The following SEMA6D variants were observed in gnomAD, a reference collection of about 807,000 sequenced individuals.
SEMA6D encodes the protein semaphorin-6D.
SEMA6D carries 35 observed loss-of-function variants against 106.6 expected under a neutral mutation model. The ratio of observed to expected loss-of-function variants is 0.33; its 90% CI spans 0.25 to 0.44. The LOEUF is 0.44. SEMA6D is among the 20% of genes least tolerant of loss of function. The probability of loss-of-function intolerance (pLI) is 1.00; values close to 1 mark genes in which losing one functional copy is unlikely to be tolerated. For missense variants in SEMA6D, 1,185 were observed against 1,345.9 expected (o/e 0.88, Z 1.87); for synonymous variants, 499 against 487.7 (o/e 1.02, Z -0.31).
chr15:47,648,558 A>G (rs1462594912), intron 4 of SEMA6D, among the ~76,000 whole-genome samples: 3 of 152,182 alleles, frequency 2.0e-5, no homozygotes, highest in Admixed American at 1.3e-4. Flanking sequence ...AGCCCGCCCT[A>G]TTTGTAATTG....
intron 1 of SEMA6D, among the ~76,000 whole-genome samples, chr15:47,322,734 C>G (rs1002010295): frequency 4.6e-5 from 7 of 152,250 alleles, no homozygotes; most frequent in African/African-American, 1.7e-4. Flanking sequence ...TATTTCTCCT[C>G]AAAAATTTGA....
intron 1 of SEMA6D, among the ~76,000 whole-genome samples, chr15:47,726,117 C>G (rs1038189278): frequency 5.3e-5 from 8 of 152,242 alleles, no homozygotes; most frequent in Admixed American, 5.2e-4. Flanking sequence ...GCTGCCTCCC[C>G]CTGCGCAGAG....
At chr15:47,548,163 T>C (rs566618554) in intron 3 of SEMA6D, among the ~76,000 whole-genome samples, 1 of 152,230 alleles carries the variant, frequency 6.6e-6, no homozygotes, top group African/African-American at 2.4e-5. Context: ...CTTTCCTAAT[T>C]TGGTGGTTGG....
intron 1 of SEMA6D, among the ~76,000 whole-genome samples, chr15:47,224,245 T>G (rs998409643): frequency 6.6e-6 from 1 of 152,032 alleles, no homozygotes; most frequent in East Asian, 1.9e-4. Context: ...GTTTTCACTC[T>G]TTCCCTGACT....
At chr15:47,727,496 A>T (rs2079834169) in intron 1 of SEMA6D, among the ~76,000 whole-genome samples, 1 of 152,234 alleles carries the variant, frequency 6.6e-6, no homozygotes, top group African/African-American at 2.4e-5. Flanking sequence ...TATCCAAACA[A>T]GGTGCTAGAC....
upstream of SEMA6D, among the ~76,000 whole-genome samples, chr15:47,715,809 G>T (rs1018825098): frequency 6.6e-6 from 1 of 152,200 alleles, no homozygotes; most frequent in Non-Finnish European, 1.5e-5. Context: ...TGCTACTGCA[G>T]ATGCAGGACA....
chr15:47,552,843 A>AATATATATAAATATATATATATTTTTAT (rs2045770100), intron 3 of SEMA6D, among the ~76,000 whole-genome samples: 1 of 79,098 alleles, frequency 1.3e-5, no homozygotes, highest in African/African-American at 7.3e-5. Flanking sequence ...TATATATATA[A>AATATATATAAATATATATATATTTTTAT]ATATATATAA....
chr15:47,405,844 G>A (rs281316), intron 1 of SEMA6D, among the ~76,000 whole-genome samples: 90,136 of 151,894 alleles, frequency 0.59, 27,582 homozygotes, highest in Middle Eastern at 0.7. Flanking sequence ...ACAAATCCTC[G>A]TAATTTCAAG....
At chr15:47,463,556 G>A (rs2042575430) in intron 2 of SEMA6D, among the ~76,000 whole-genome samples, 1 of 152,152 alleles carries the variant, frequency 6.6e-6, no homozygotes, top group Non-Finnish European at 1.5e-5. Flanking sequence ...GTGCGTCATG[G>A]TAGGCCTAAG....
chr15:47,692,333 C>T (rs1362155373), intron 4 of SEMA6D, among the ~76,000 whole-genome samples: 1 of 152,094 alleles, frequency 6.6e-6, no homozygotes, highest in Non-Finnish European at 1.5e-5. Context: ...AGGTTTCCTT[C>T]CTCTACTGTG....
In SEMA6D at chr15:47,760,978, G is replaced by T; in HGVS notation, c.222G>T (p.Arg74Ser). 6.2e-7 allele frequency: 1 copy of T among 1,611,898 alleles called. No individual in the cohort carries two copies. The highest frequency in any genetic ancestry group is 8.5e-7 in the Non-Finnish European group (1 of 1,178,826). The part of the protein sequence containing the change: ...KIRDTLYIAG[R>S]DQVYTVNLNE... ...TGTTTTATTGCCTTATTTCCAACAG[G>T]GATCAAGTTTATACAGTAAACTTAA... Residue 74 changes from arginine (R) to serine (S), a missense_variant and splice_region_variant, in exon 4 of 19, where the codon AGG becomes AGT. Coordinates refer to ENST00000536845, the MANE Select transcript of SEMA6D (RefSeq NM_001358351.3).
chr15:47,588,836 A>G (rs1378560885), intron 3 of SEMA6D, among the ~76,000 whole-genome samples: 1 of 152,184 alleles, frequency 6.6e-6, no homozygotes, highest in African/African-American at 2.4e-5. Flanking sequence ...TCAGTCACAA[A>G]TGAAAAGCAG....
chr15:47,283,812 C>T (rs1435918708), intron 1 of SEMA6D, among the ~76,000 whole-genome samples: 1 of 152,196 alleles, frequency 6.6e-6, no homozygotes, highest in Non-Finnish European at 1.5e-5. Flanking sequence ...CCACAGCTGG[C>T]ACAGGCAAAC....
rs768973295 is a variant in SEMA6D at position 47,770,646 on chromosome 15, A to G, written c.2083A>G (p.Arg695Gly). 6.2e-7 allele frequency: 1 copy of G among 1,614,116 alleles called. No homozygotes were observed. Among genetic ancestry groups the G allele is most frequent in the Non-Finnish European group, 8.5e-7 (1 of 1,179,980 alleles). The change falls in exon 19 of 19, where the codon AGA becomes GGA. Residue 695 changes from arginine (R) to glycine (G), a missense_variant. By Grantham distance (125) the Arg-to-Gly change is moderately radical. This residue lies in a region of SEMA6D where 750 missense variants were observed against 783.5 expected (regional missense o/e 0.96). Coordinates refer to ENST00000536845, the MANE Select transcript of SEMA6D (RefSeq NM_001358351.3). Reference sequence around the variant, plus strand: ...TCGAGACATGTTTGTTCGGAAAAACAGAAAGATCCATAAAGATGCAGAGTC... The same window carrying G: ...TCGAGACATGTTTGTTCGGAAAAACGGAAAGATCCATAAAGATGCAGAGTC... The part of the protein sequence containing the change: ...CYRDMFVRKN[R>G]KIHKDAESAQ...
intron 4 of SEMA6D, among the ~76,000 whole-genome samples, chr15:47,635,596 C>T (rs936506807): frequency 8.5e-5 from 13 of 152,104 alleles, no homozygotes; most frequent in African/African-American, 2.7e-4. Flanking sequence ...CGACTGGCAT[C>T]GAAAAATGAG....
At chr15:47,295,831 T>A (rs2035781885) in intron 1 of SEMA6D, among the ~76,000 whole-genome samples, 1 of 152,224 alleles carries the variant, frequency 6.6e-6, no homozygotes, top group Non-Finnish European at 1.5e-5. Context: ...TTGTTTCTCC[T>A]GAATTTAGCT....
chr15:47,557,360 A>G (rs939048137), intron 3 of SEMA6D, among the ~76,000 whole-genome samples: 4 of 152,226 alleles, frequency 2.6e-5, no homozygotes, highest in African/African-American at 7.2e-5. Context: ...TGATTTTACT[A>G]TGTATTTAAT....
At chr15:47,218,690 C>T (rs573007364) in intron 1 of SEMA6D, among the ~76,000 whole-genome samples, 7 of 152,232 alleles carry the variant, frequency 4.6e-5, no homozygotes, top group South Asian at 4.1e-4. Flanking sequence ...TTATGCTTTG[C>T]CTTCAACATA....
At chr15:47,397,905 G>A (rs1006017805) in intron 1 of SEMA6D, 4 of 152,088 alleles carry the variant, frequency 2.6e-5, no homozygotes, top group Non-Finnish European at 5.9e-5. Context: ...CCTTTGGAAA[G>A]GGAAATAAAA....
Sources: gnomAD v4.1 joint callset for allele counts (sites outside exome capture counted in the v4.1 genomes callset) on GRCh38, gnomAD v4.1.1 for gene constraint, gnomAD v4.1.1 regional missense constraint, MANE v1.5 for transcripts, NCBI Gene and HGNC (gene_info 2026-07-23, HGNC 2026-07-21) for gene names.